The following PIP5K1A variants were observed in gnomAD, a reference collection of about 807,000 sequenced individuals.
PIP5K1A encodes the protein phosphatidylinositol 4-phosphate 5-kinase type-1 alpha.
A neutral mutation model predicts 72.9 loss-of-function variants in PIP5K1A; 46 were observed. The observed-to-expected ratio is 0.63, with a 90% CI of 0.50 to 0.81. The LOEUF is 0.81. PIP5K1A is among the 30% of genes least tolerant of loss of function. The pLI is 0.00. For synonymous variants in PIP5K1A, 228 were observed against 255.1 expected (o/e 0.89, Z 1.01); for missense variants, 458 against 706.1 (o/e 0.65, Z 3.98).
rs1331638411 is a variant in PIP5K1A at position 151,242,160 on chromosome 1, A to G, written c.1401A>G (p.Ser467=). Residue 467 remains serine, a synonymous_variant, in exon 13 of 16, where the codon TCA becomes TCG. Coordinates refer to ENST00000368888, the MANE Select transcript of PIP5K1A (RefSeq NM_001135638.2). ...CTTCCAAAAAGTTTCGGTCTGGCTCATCTTTCTCTCGGCGAGCAGGCTCCA... is the reference window on the plus strand; with the variant it reads ...CTTCCAAAAAGTTTCGGTCTGGCTCGTCTTTCTCTCGGCGAGCAGGCTCCA... ...PSPSKKFRSG[S]SFSRRAGSSG... The G allele has an allele frequency of 6.2e-7, 1 of 1,614,010 alleles. No homozygotes were observed. Among genetic ancestry groups the G allele is most frequent in the South Asian group, 1.1e-5 (1 of 91,070 alleles).
intron 1 of PIP5K1A, among the ~76,000 whole-genome samples, chr1:151,219,025 C>G (rs1375876034): frequency 6.6e-6 from 1 of 152,068 alleles, no homozygotes; most frequent in African/African-American, 2.4e-5. Flanking sequence ...AAATCTCTTT[C>G]TGAATGATTT....
rs758272824 is a variant in PIP5K1A at position 151,247,900 on chromosome 1, G to T, written c.*35G>T. The stretch of plus-strand genomic sequence containing the variant: ...CTCAGAAGACCTGGAACAAGATTCT[G>T]CCATCTCTGTGATCCCAAGATGTCA... On this transcript the variant is annotated 3_prime_UTR_variant, in exon 16 of 16. Transcript: ENST00000368888. 1 of 1,598,668 alleles carries T rather than the reference G, an allele frequency of 6.3e-7. No homozygotes were observed. The highest frequency in any genetic ancestry group is 2.2e-5 in the East Asian group (1 of 44,780).
chr1:151,245,956 G>A (rs774653676), intron 14 of PIP5K1A, among the ~76,000 whole-genome samples: 1 of 152,018 alleles, frequency 6.6e-6, no homozygotes, highest in Non-Finnish European at 1.5e-5. Flanking sequence ...ACAAACATTT[G>A]TTATCTCAGT....
At chr1:151,219,613 G>A (rs1370392351) in intron 1 of PIP5K1A, among the ~76,000 whole-genome samples, 2 of 152,006 alleles carry the variant, frequency 1.3e-5, no homozygotes, top group Non-Finnish European at 2.9e-5. Context: ...AGAATCTCTT[G>A]AACCCGGGAG....
intron 1 of PIP5K1A, among the ~76,000 whole-genome samples, chr1:151,210,192 C>T (rs1369250435): frequency 6.6e-6 from 1 of 151,312 alleles, no homozygotes; most frequent in Non-Finnish European, 1.5e-5. Flanking sequence ...CCTCCCCGGC[C>T]CCCCCACTTT....
intron 7 of PIP5K1A, 58 bp from the exon 8 acceptor site, chr1:151,234,139 G>GT: frequency 7.3e-7 from 1 of 1,375,984 alleles, no homozygotes; most frequent in Non-Finnish European, 1.0e-6. Context: ...TTACTGGTGA[G>GT]TTTCACTGAA....
At chr1:151,210,678 T>G (rs1180819077) in intron 1 of PIP5K1A, among the ~76,000 whole-genome samples, 2 of 152,096 alleles carry the variant, frequency 1.3e-5, no homozygotes, top group Non-Finnish European at 2.9e-5. Flanking sequence ...TCCCGTCTCC[T>G]GGGTTCAAGT....
At position 151,201,866 on chromosome 1, in the gene PIP5K1A, C is replaced by CA. The variant is rs1199975695; in HGVS notation, c.85+2793dup. Among the ~76,000 whole-genome samples, 258 of 151,202 alleles carry CA rather than the reference C, an allele frequency of 1.7e-3. 5 individuals carry two copies. The highest frequency in any genetic ancestry group is 8.5e-4 in the African/African-American group (35 of 41,238). On this transcript the variant is annotated intron_variant, in intron 1 of 15. Transcript: ENST00000368888. Reference sequence around the variant, plus strand: ...GACAGAGCAAGACTCTGTCTCAAAACAAAAAAAAGGGGGCAAAAAGTGGCT... The same window carrying CA: ...GACAGAGCAAGACTCTGTCTCAAAACAAAAAAAAAGGGGGCAAAAAGTGGCT...
chr1:151,215,318 G>T (rs587685480), intron 1 of PIP5K1A, among the ~76,000 whole-genome samples: 1 of 150,248 alleles, frequency 6.7e-6, no homozygotes, highest in African/African-American at 2.4e-5. Context: ...GATTACAGGC[G>T]TGAGCCACCG....
intron 2 of PIP5K1A, 39 bp from the exon 3 acceptor site, chr1:151,224,332 G>A (rs780902725): frequency 2.9e-5 from 47 of 1,609,234 alleles, no homozygotes; most frequent in Non-Finnish European, 3.8e-5. Flanking sequence ...TGGGATAGAA[G>A]GAACCTGTTT....
chr1:151,238,308 G>T, intron 10 of PIP5K1A, 43 bp downstream of exon 10: 1 of 1,288,402 alleles, frequency 7.8e-7, no homozygotes, highest in South Asian at 1.2e-5. Flanking sequence ...GGTGGATACA[G>T]ATAACCAGTC....
intron 7 of PIP5K1A, 138 bp downstream of exon 7, chr1:151,232,841 C>G (rs1690289605): frequency 1.5e-6 from 1 of 676,246 alleles, no homozygotes; most frequent in African/African-American, 1.8e-5. Flanking sequence ...TGGCTCATGC[C>G]TGTAATCCCA....
At chr1:151,208,356 C>CT (rs1686244561) in intron 1 of PIP5K1A, among the ~76,000 whole-genome samples, 3 of 119,556 alleles carry the variant, frequency 2.5e-5, no homozygotes, top group Non-Finnish European at 5.1e-5. Context: ...GCTTGGTTTT[C>CT]TTTTCTTTTT....
intron 1 of PIP5K1A, among the ~76,000 whole-genome samples, chr1:151,203,653 G>A (rs587681827): frequency 6.6e-6 from 1 of 151,702 alleles, no homozygotes; most frequent in Non-Finnish European, 1.5e-5. Flanking sequence ...GTGAAACCCC[G>A]TCTCTACTAA....
intron 12 of PIP5K1A, 116 bp from the exon 13 acceptor site, chr1:151,242,007 C>T (rs1482074255): frequency 2.0e-6 from 2 of 987,852 alleles, no homozygotes; most frequent in African/African-American, 1.6e-5. Flanking sequence ...TTAGCCTTTT[C>T]ACTTTTCAGA....
intron 2 of PIP5K1A, 35 bp from the exon 3 acceptor site, chr1:151,224,336 C>T (rs747828230): frequency 9.9e-6 from 16 of 1,608,380 alleles, no homozygotes; most frequent in African/African-American, 6.7e-5. Flanking sequence ...ATAGAAGGAA[C>T]CTGTTTATGA....
rs1322658994 is a variant in PIP5K1A at position 151,248,134 on chromosome 1, G to C, written c.*269G>C. ...GTTGGGTGGTATGGATTTTCAACTG[G>C]CCAACCCTTTGCCTCCACTATTGAA... On this transcript the variant is annotated 3_prime_UTR_variant, in exon 16 of 16. Transcript: ENST00000368888. 1 of 490,054 alleles carries C rather than the reference G, an allele frequency of 2.0e-6. No individual in the cohort carries two copies. The highest frequency in any genetic ancestry group is 2.0e-5 in the African/African-American group (1 of 49,570). The allele number at this position is 490,054 out of a possible 1,614,324, so 30.4% of individuals were successfully genotyped here.
intron 4 of PIP5K1A, among the ~76,000 whole-genome samples, chr1:151,229,821 T>G (rs909043147): frequency 1.3e-5 from 2 of 150,124 alleles, no homozygotes; most frequent in Non-Finnish European, 3.0e-5. Context: ...TGGTGGCTCA[T>G]GCCTGTAATC....
intron 4 of PIP5K1A, among the ~76,000 whole-genome samples, chr1:151,227,989 A>G (rs1689408894): frequency 6.6e-6 from 1 of 152,252 alleles, no homozygotes; most frequent in Non-Finnish European, 1.5e-5. Context: ...TAACAAGGCC[A>G]TGAAAGCCAT....
Sources: gnomAD v4.1 joint callset for allele counts (sites outside exome capture counted in the v4.1 genomes callset) on GRCh38, gnomAD v4.1.1 for gene constraint, MANE v1.5 for transcripts, NCBI Gene and HGNC (gene_info 2026-07-23, HGNC 2026-07-21) for gene names.